Variants in PTPRT observed in about 807,000 individuals in gnomAD.
PTPRT encodes the protein receptor-type tyrosine-protein phosphatase T.
A neutral mutation model predicts 176.8 loss-of-function variants in PTPRT; 56 were observed. The observed-to-expected ratio is 0.32, with a 90% CI of 0.26 to 0.40. PTPRT has a LOEUF of 0.40. PTPRT is among the 10% of genes least tolerant of loss of function. The pLI is 1.00. For missense variants in PTPRT, 1,540 were observed against 1,908.2 expected, an observed-to-expected ratio of 0.81 and a Z score of 3.60; for synonymous variants, 783 against 739.0, an observed-to-expected ratio of 1.06 and a Z score of -0.96.
intron 1 of PTPRT, among the ~76,000 whole-genome samples, chr20:43,181,020 C>T (rs890217607): frequency 3.3e-5 from 5 of 152,190 alleles, no homozygotes; most frequent in African/African-American, 1.2e-4. Context: ...GGCTCTCTCA[C>T]TTGCTCACTC....
intron 1 of PTPRT, among the ~76,000 whole-genome samples, chr20:43,014,221 C>T (rs149360025): frequency 6.6e-6 from 1 of 152,182 alleles, no homozygotes; most frequent in African/African-American, 2.4e-5. Context: ...TGGCCATTCA[C>T]TCTGATGGCT....
chr20:42,475,038 T>C (rs2071265927), intron 7 of PTPRT, among the ~76,000 whole-genome samples: 2 of 152,214 alleles, frequency 1.3e-5, no homozygotes, highest in African/African-American at 4.8e-5. Flanking sequence ...TCTTAAAATG[T>C]ACCATATCTC....
At chr20:43,028,576 C>T (rs1986013869) in intron 1 of PTPRT, among the ~76,000 whole-genome samples, 4 of 152,126 alleles carry the variant, frequency 2.6e-5, no homozygotes, top group Admixed American at 2.6e-4. Flanking sequence ...CAGGGTTCTG[C>T]TATTTCAGGG....
At chr20:43,042,641 C>A (rs968916232) in intron 1 of PTPRT, among the ~76,000 whole-genome samples, 1 of 151,984 alleles carries the variant, frequency 6.6e-6, no homozygotes, top group Non-Finnish European at 1.5e-5. Context: ...CTTGGTCAAG[C>A]ACAAGAGCAG....
chr20:42,906,839 C>T (rs2079484965), intron 1 of PTPRT, among the ~76,000 whole-genome samples: 1 of 152,214 alleles, frequency 6.6e-6, no homozygotes, highest in South Asian at 2.1e-4. Context: ...TGACAGACTA[C>T]CTCTGTTACA....
intron 7 of PTPRT, among the ~76,000 whole-genome samples, chr20:42,476,748 G>C (rs1242058187): frequency 6.6e-6 from 1 of 152,170 alleles, no homozygotes; most frequent in Non-Finnish European, 1.5e-5. Context: ...TGGCTATTAA[G>C]TAGCAACTCT....
intron 7 of PTPRT, among the ~76,000 whole-genome samples, chr20:42,505,388 G>T (rs2071826461): frequency 6.6e-6 from 1 of 152,056 alleles, no homozygotes; most frequent in East Asian, 1.9e-4. Flanking sequence ...TGCAATCTCT[G>T]CCTCCCAGGT....
At chr20:42,360,961 A>G (rs2058423954) in intron 9 of PTPRT, among the ~76,000 whole-genome samples, 1 of 152,228 alleles carries the variant, frequency 6.6e-6, no homozygotes, top group South Asian at 2.1e-4. Flanking sequence ...ATTAAGAATG[A>G]AAATGTAACA....
chr20:42,315,828 T>C lies in PTPRT; in HGVS notation c.2034A>G (p.Pro678=). ...LKPANLPVTQ[P]FTVGDNKTYN... Reference sequence around the variant, plus strand: ...ATGTCTTATTGTCACCCACTGTAAATGGCTGGGTGACAGGCAGGTTGGCAG... The same window carrying C: ...ATGTCTTATTGTCACCCACTGTAAACGGCTGGGTGACAGGCAGGTTGGCAG... Residue 678 remains proline, a synonymous_variant, in exon 12 of 31, where the codon CCA becomes CCG. Transcript: ENST00000373187. The C allele has an allele frequency of 6.2e-7, 1 of 1,614,068 alleles. No homozygotes were observed. The highest frequency in any genetic ancestry group is 1.1e-5 in the South Asian group (1 of 91,082).
chr20:42,053,430 G>A, the PTPRT span, among the ~76,000 whole-genome samples: 2 of 152,140 alleles, frequency 1.3e-5, no homozygotes, highest in Admixed American at 6.5e-5. Flanking sequence ...GGAACCTCTG[G>A]GGACCCTCCC....
chr20:43,177,447 A>C (rs2015148188), intron 1 of PTPRT, among the ~76,000 whole-genome samples: 1 of 152,250 alleles, frequency 6.6e-6, no homozygotes, highest in Non-Finnish European at 1.5e-5. Context: ...TATGGATCAC[A>C]AAAGGATGCT....
In PTPRT at chr20:43,165,219, C is replaced by A. The variant is rs144638071; in HGVS notation, c.88+24427G>T. Among the ~76,000 whole-genome samples, 39 of 149,520 alleles carry A rather than the reference C, an allele frequency of 2.6e-4. No homozygotes were observed. The East Asian group carries it at 7.7e-3, about 29-fold the overall frequency. Reference sequence around the variant, plus strand: ...TGTCACCCAGGCTGGAGTGCAATGGCGCAATGTCGGCTCACTGCAACCTCC... The same window carrying A: ...TGTCACCCAGGCTGGAGTGCAATGGAGCAATGTCGGCTCACTGCAACCTCC... On this transcript the variant is annotated intron_variant, in intron 1 of 30. Transcript: ENST00000373187.
chr20:42,366,482 T>A (rs1289386355), intron 9 of PTPRT, among the ~76,000 whole-genome samples: 1 of 152,220 alleles, frequency 6.6e-6, no homozygotes, highest in Middle Eastern at 3.2e-3. Flanking sequence ...TTTCTGCACC[T>A]GTGGCTCCCA....
Position 42,677,860 on chromosome 20 carries a change from T to C in PTPRT, c.1153+6A>G. The C allele has an allele frequency of 6.6e-7, 1 of 1,507,026 alleles. No homozygotes were observed. Among genetic ancestry groups the C allele is most frequent in the Non-Finnish European group, 8.9e-7 (1 of 1,125,148 alleles). 93.4% of individuals were successfully genotyped at this position (1,507,026 alleles called of 1,614,324 possible). On this transcript the variant is annotated splice_donor_region_variant and intron_variant, in intron 7 of 30. Transcript: ENST00000373187. ...TAATGGAGCCTGGGAAAAAAAAAAA[T>C]CTTACCTGCACACTTGGTCCTGGTG... is the stretch of plus-strand genomic sequence containing the variant.
At position 42,895,431 on chromosome 20, in the gene PTPRT, C is replaced by G. The variant is rs112938709; in HGVS notation, c.89-9499G>C. Among the ~76,000 whole-genome samples, 365 of 152,268 alleles carry G rather than the reference C, an allele frequency of 2.4e-3. 1 individual carries two copies. Among genetic ancestry groups the G allele is most frequent in the African/African-American group, 8.2e-3 (342 of 41,558 alleles). On this transcript the variant is annotated intron_variant, in intron 1 of 30. Coordinates refer to ENST00000373187, the MANE Select transcript of PTPRT (RefSeq NM_007050.6). Reference sequence around the variant, plus strand: ...CAAACACAGTCACATGGGGAGACATCGCAAAATTCCTTCACCTTTGTCATT... The same window carrying G: ...CAAACACAGTCACATGGGGAGACATGGCAAAATTCCTTCACCTTTGTCATT...
chr20:42,046,523 G>A, the PTPRT span, among the ~76,000 whole-genome samples: 4 of 152,216 alleles, frequency 2.6e-5, no homozygotes, highest in Non-Finnish European at 5.9e-5. Flanking sequence ...GGAAGGAGCA[G>A]CTCATTAAGC....
At chr20:43,072,479 A>G (rs1309302404) in intron 1 of PTPRT, among the ~76,000 whole-genome samples, 1 of 152,212 alleles carries the variant, frequency 6.6e-6, no homozygotes, top group Non-Finnish European at 1.5e-5. Flanking sequence ...GCTCAGAGAG[A>G]CATTCTTTAT....
intron 1 of PTPRT, among the ~76,000 whole-genome samples, chr20:43,085,771 C>T (rs2011587316): frequency 6.6e-6 from 1 of 152,184 alleles, no homozygotes; most frequent in South Asian, 2.1e-4. Flanking sequence ...GTGAGAATTA[C>T]AGGAGCTACA....
chr20:42,915,679 C>A (rs1167003696), intron 1 of PTPRT, among the ~76,000 whole-genome samples: 1 of 152,144 alleles, frequency 6.6e-6, no homozygotes, highest in Non-Finnish European at 1.5e-5. Context: ...TGTAGTGCAA[C>A]CTCTCAAACT....
Sources: gnomAD v4.1 joint callset for allele counts (sites outside exome capture counted in the v4.1 genomes callset) on GRCh38, gnomAD v4.1.1 for gene constraint, MANE v1.5 for transcripts, NCBI Gene and HGNC (gene_info 2026-07-23, HGNC 2026-07-21) for gene names.